The following FSTL5 variants were observed in gnomAD, a reference collection of about 807,000 sequenced individuals.
FSTL5 encodes follistatin-related protein 5.
Under a neutral mutation model 89.1 loss-of-function variants are expected in FSTL5, and 62 were observed. The ratio of observed to expected loss-of-function variants is 0.70; its 90% confidence interval spans 0.57 to 0.86. FSTL5 has a LOEUF of 0.86. Ranked by LOEUF, FSTL5 falls within the 40% of genes least tolerant of loss-of-function variation. FSTL5 has a pLI of 0.00. For synonymous variants in FSTL5, 383 were observed against 346.2 expected (o/e 1.11, Z -1.18); for missense variants, 1,057 against 1,001.6 (o/e 1.06, Z -0.75).
chr4:161,830,552 AGGAAAGATACT>A (rs11273723), intron 4 of FSTL5, among the ~76,000 whole-genome samples: 2,260 of 152,148 alleles, frequency 0.015, 63 homozygotes, highest in African/African-American at 0.051. Flanking sequence ...GTTGTGGCCT[AGGAAAGATACT>A]TAGCATCTTG....
chr4:161,695,097 T>C (rs902020184), intron 6 of FSTL5, among the ~76,000 whole-genome samples: 3 of 152,032 alleles, frequency 2.0e-5, no homozygotes, highest in African/African-American at 7.2e-5. Flanking sequence ...GAATAGATGG[T>C]GTTTGGTTAC....
At chr4:161,842,085 A>T (rs546871476) in intron 4 of FSTL5, among the ~76,000 whole-genome samples, 1 of 152,276 alleles carries the variant, frequency 6.6e-6, no homozygotes, top group East Asian at 1.9e-4. Context: ...CATAATCAAA[A>T]ACAGGTGGCT....
At chr4:162,028,566 G>A (rs1737390480) in intron 3 of FSTL5, among the ~76,000 whole-genome samples, 1 of 152,142 alleles carries the variant, frequency 6.6e-6, no homozygotes, top group South Asian at 2.1e-4. Flanking sequence ...AACAGAGTGA[G>A]GCTCTGTCTA....
At chr4:161,651,331 GA>G (rs11325739) in intron 7 of FSTL5, among the ~76,000 whole-genome samples, 31,450 of 121,448 alleles carry the variant, frequency 0.26, 3,663 homozygotes, top group Non-Finnish European at 0.31. Flanking sequence ...TCCTTGAATT[GA>G]AAAAAAAAAA....
chr4:161,717,048 AT>A (rs1739011874), intron 6 of FSTL5, among the ~76,000 whole-genome samples: 1 of 152,200 alleles, frequency 6.6e-6, no homozygotes, highest in African/African-American at 2.4e-5. Context: ...TGGGATCTCA[AT>A]TCATATTTGA....
At chr4:161,952,367 A>G (rs922373851) in intron 3 of FSTL5, among the ~76,000 whole-genome samples, 1 of 152,070 alleles carries the variant, frequency 6.6e-6, no homozygotes, top group African/African-American at 2.4e-5. Flanking sequence ...AGAAGGTGGA[A>G]TATGATGCAG....
intron 6 of FSTL5, among the ~76,000 whole-genome samples, chr4:161,665,837 TC>T (rs1736874768): frequency 1.6e-5 from 1 of 64,266 alleles, no homozygotes; most frequent in East Asian, 6.8e-4. Flanking sequence ...AGATGAACAC[TC>T]ACAGATGCAA....
At chr4:161,935,396 G>A (rs1322218290) in intron 3 of FSTL5, among the ~76,000 whole-genome samples, 1 of 152,062 alleles carries the variant, frequency 6.6e-6, no homozygotes, top group Non-Finnish European at 1.5e-5. Flanking sequence ...AAACACCTGT[G>A]ATGTCTTTCT....
At chr4:162,111,452 T>C (rs1731440583) in intron 1 of FSTL5, 40 bp from the exon 2 acceptor site, 2 of 1,445,888 alleles carry the variant, frequency 1.4e-6, no homozygotes, top group Non-Finnish European at 1.9e-6. Context: ...AGAAAATGAA[T>C]TATATATTAA....
At chr4:161,860,013 T>C (rs1458255034) in intron 4 of FSTL5, among the ~76,000 whole-genome samples, 1 of 152,152 alleles carries the variant, frequency 6.6e-6, no homozygotes, top group Non-Finnish European at 1.5e-5. Context: ...TTTAAAATCT[T>C]GTTTGTGGCT....
At chr4:162,156,295 G>A (rs779084566) in intron 1 of FSTL5, among the ~76,000 whole-genome samples, 1 of 152,094 alleles carries the variant, frequency 6.6e-6, no homozygotes, top group Non-Finnish European at 1.5e-5. Flanking sequence ...CTATTGGTGG[G>A]AATATAGATT....
chr4:161,676,047 C>T (rs1011667576), intron 6 of FSTL5, among the ~76,000 whole-genome samples: 1 of 152,070 alleles, frequency 6.6e-6, no homozygotes. Flanking sequence ...AATTCTGTCA[C>T]TTGCTAGCTA....
At chr4:162,097,528 AG>A (rs955981855) in intron 2 of FSTL5, among the ~76,000 whole-genome samples, 50 of 152,028 alleles carry the variant, frequency 3.3e-4, no homozygotes, top group African/African-American at 1.2e-3. Context: ...GGAAAACAGT[AG>A]CTTTAATTAG....
intron 1 of FSTL5, among the ~76,000 whole-genome samples, chr4:162,139,765 T>G (rs961075657): frequency 1.1e-4 from 16 of 152,126 alleles, no homozygotes; most frequent in African/African-American, 3.6e-4. Context: ...GAGGGAATTC[T>G]CAAACAAGGA....
chr4:161,854,021 C>T (rs1350454901), intron 4 of FSTL5, among the ~76,000 whole-genome samples: 1 of 152,174 alleles, frequency 6.6e-6, no homozygotes, highest in South Asian at 2.1e-4. Context: ...ATAATAAAAG[C>T]TATCATAACA....
chr4:162,098,870 A>G lies in FSTL5; in HGVS notation c.126+12401T>C, dbSNP rs193021115. ...GCTTCTGGAACAACTGCACATCTAC[A>G]TGCAAAAACAGCAACAAAAAGAATC... On this transcript the variant is annotated intron_variant, in intron 2 of 15. Transcript: ENST00000306100. Among the ~76,000 whole-genome samples the G allele has an allele frequency of 1.4e-3, 219 of 152,228 alleles. 4 individuals carry two copies. The highest frequency in any genetic ancestry group is 0.014 in the Admixed American group (217 of 15,294).
rs142666233 is a variant in FSTL5, at chr4:161,785,566, G to C, written c.410-9492C>G. Among the ~76,000 whole-genome samples, 146 of 152,176 alleles carry C rather than the reference G, an allele frequency of 9.6e-4. 1 individual carries two copies. The East Asian group carries it at 0.023, about 24-fold the overall frequency. ...AAATCAAATGATGATACAATTACAA[G>C]GCAAGTTTGATAAACGACAGTCATA... is the stretch of plus-strand genomic sequence containing the variant. On this transcript the variant is annotated intron_variant, in intron 4 of 15. Transcript: ENST00000306100.
chr4:161,411,783 G>A (rs569637265), intron 15 of FSTL5, among the ~76,000 whole-genome samples: 34 of 152,222 alleles, frequency 2.2e-4, no homozygotes, highest in African/African-American at 1.9e-4. Context: ...AAGAAGACAA[G>A]AATGCCCACT....
chr4:161,992,828 C>T (rs1578926217), intron 3 of FSTL5, among the ~76,000 whole-genome samples: 1 of 101,036 alleles, frequency 9.9e-6, no homozygotes, highest in Admixed American at 1.2e-4. Context: ...GCCTGGGCAA[C>T]AAGAGTGAAA....
Sources: allele counts gnomAD v4.1 joint callset (sites outside exome capture counted in the v4.1 genomes callset), GRCh38; gene constraint gnomAD v4.1.1; transcripts MANE v1.5; gene names NCBI Gene and HGNC (gene_info 2026-07-23, HGNC 2026-07-21).